Variants in NUDCD3 observed in about 807,000 individuals in gnomAD.
NUDCD3 encodes the protein NudC domain containing 3, also known as nudC domain-containing protein 3.
Under a neutral mutation model 39.7 loss-of-function variants are expected in NUDCD3, and 13 were observed. The ratio of observed to expected loss-of-function variants is 0.33; its 90% CI spans 0.21 to 0.52. The LOEUF (loss-of-function observed/expected upper bound fraction) is 0.52, where lower values mean the gene tolerates loss of function less well. NUDCD3 is among the 20% of genes least tolerant of loss of function. The pLI is 0.96. For synonymous variants in NUDCD3, 175 were observed against 172.4 expected (o/e 1.02, Z -0.12); for missense variants, 453 against 458.1 (o/e 0.99, Z 0.10).
chr7:44,444,912 C>CT (rs1799661142), intron 2 of NUDCD3, among the ~76,000 whole-genome samples: 1 of 152,210 alleles, frequency 6.6e-6, no homozygotes, highest in South Asian at 2.1e-4. Context: ...CCCACCTTAC[C>CT]TTCCAATATG....
intron 3 of NUDCD3, among the ~76,000 whole-genome samples, chr7:44,426,719 C>G (rs1178980300): frequency 6.6e-6 from 1 of 151,086 alleles, no homozygotes; most frequent in Non-Finnish European, 1.5e-5. Flanking sequence ...TGGCGTGAAC[C>G]CGGGAGGCGG....
chr7:44,430,554 CCACACA>C, intron 2 of NUDCD3, among the ~76,000 whole-genome samples: 1 of 140,772 alleles, frequency 7.1e-6, no homozygotes, highest in African/African-American at 2.8e-5. Flanking sequence ...AATAAAATAC[CCACACA>C]CACACACACT....
At chr7:44,465,782 T>C (rs1800106384) in intron 2 of NUDCD3, among the ~76,000 whole-genome samples, 1 of 152,116 alleles carries the variant, frequency 6.6e-6, no homozygotes, top group Non-Finnish European at 1.5e-5. Flanking sequence ...AGTTCTACTA[T>C]ACACCCCACC....
intron 1 of NUDCD3, chr7:44,485,633 T>C (rs1257631841): frequency 5.5e-6 from 1 of 182,084 alleles, no homozygotes; most frequent in Non-Finnish European, 1.1e-5. Context: ...CTGTGGGTTA[T>C]AAAGGCACCA....
intron 2 of NUDCD3, among the ~76,000 whole-genome samples, chr7:44,440,845 T>G (rs1449074009): frequency 2.0e-5 from 3 of 152,206 alleles, no homozygotes; most frequent in African/African-American, 7.2e-5. Context: ...CTAGTCTTCT[T>G]GCATGTGAGC....
chr7:44,485,974 G>A (rs1051857615), intron 1 of NUDCD3, among the ~76,000 whole-genome samples: 3 of 152,204 alleles, frequency 2.0e-5, no homozygotes, highest in Non-Finnish European at 4.4e-5. Context: ...TGATACAAGA[G>A]GGGGCATGAC....
chr7:44,404,752 A>G (rs1275868970), intron 3 of NUDCD3, among the ~76,000 whole-genome samples, 169 bp from the exon 4 acceptor site: 1 of 140,564 alleles, frequency 7.1e-6, no homozygotes, highest in Non-Finnish European at 1.5e-5. Context: ...ATTTATACCT[A>G]GAGCAACCTG....
Position 44,385,791 on chromosome 7 carries a change from T to C in NUDCD3, c.*220A>G. 1.8e-6 allele frequency: 1 copy of C among 556,534 alleles called. No individual in the cohort carries two copies. Among genetic ancestry groups the C allele is most frequent in the South Asian group, 2.4e-5 (1 of 42,110 alleles). 34.5% of individuals were successfully genotyped at this position (556,534 alleles called of 1,614,324 possible). ...CTGCATTTCAAACACCTTCACTCAG[T>C]GTCAGCCACAGCGGCCACCACATAG... On this transcript the variant is annotated 3_prime_UTR_variant, in exon 6 of 6. Coordinates refer to ENST00000355451, the MANE Select transcript of NUDCD3 (RefSeq NM_015332.4).
At chr7:44,388,369 CTCTG>C (rs1399858911) in intron 5 of NUDCD3, among the ~76,000 whole-genome samples, 1 of 152,252 alleles carries the variant, frequency 6.6e-6, no homozygotes, top group Non-Finnish European at 1.5e-5. Flanking sequence ...ACGATAGTCT[CTCTG>C]CCTGTGAGGT....
chr7:44,488,228 G>C (rs1247869178), intron 1 of NUDCD3, among the ~76,000 whole-genome samples: 4 of 150,968 alleles, frequency 2.6e-5, no homozygotes, highest in Admixed American at 1.3e-4. Flanking sequence ...CCAGCTACTC[G>C]AGAGGCTGAG....
intron 5 of NUDCD3, among the ~76,000 whole-genome samples, chr7:44,389,327 A>G (rs901630839): frequency 2.0e-5 from 3 of 152,220 alleles, no homozygotes; most frequent in Admixed American, 6.5e-5. Flanking sequence ...GCTTACCTGG[A>G]ATGAACAGAC....
intron 2 of NUDCD3, among the ~76,000 whole-genome samples, chr7:44,456,025 C>CAAAAAAAAAAAAA (rs1233592095): frequency 5.6e-4 from 16 of 28,496 alleles, no homozygotes; most frequent in Non-Finnish European, 6.9e-4. Flanking sequence ...GACTCCGTCT[C>CAAAAAAAAAAAAA]AAAAAAAAAA....
intron 2 of NUDCD3, among the ~76,000 whole-genome samples, chr7:44,427,965 G>A (rs1799270686): frequency 6.6e-6 from 1 of 151,994 alleles, no homozygotes; most frequent in South Asian, 2.1e-4. Context: ...TACAGTTTAG[G>A]AAAAGTGTCT....
chr7:44,484,924 A>C (rs764347547), intron 2 of NUDCD3, 44 bp downstream of exon 2: 33 of 1,406,030 alleles, frequency 2.3e-5, no homozygotes, highest in Non-Finnish European at 3.1e-5. Context: ...CAAACACCAG[A>C]TGTTACGCAA....
At chr7:44,450,954 C>G (rs1296539043) in intron 2 of NUDCD3, among the ~76,000 whole-genome samples, 1 of 152,150 alleles carries the variant, frequency 6.6e-6, no homozygotes, top group African/African-American at 2.4e-5. Context: ...TATTCATATA[C>G]ATAACACGGT....
At chr7:44,430,540 T>C (rs940549548) in intron 2 of NUDCD3, among the ~76,000 whole-genome samples, 1 of 150,090 alleles carries the variant, frequency 6.7e-6, no homozygotes, top group African/African-American at 2.5e-5. Flanking sequence ...TGTGAAAATA[T>C]ATAAATAAAA....
chr7:44,449,848 T>C (rs1056025308), intron 2 of NUDCD3, among the ~76,000 whole-genome samples: 5 of 125,986 alleles, frequency 4.0e-5, no homozygotes, highest in African/African-American at 1.5e-4. Context: ...AAAAACATGA[T>C]CCATAAAAAA....
At chr7:44,392,164 G>A in intron 5 of NUDCD3, 133 bp downstream of exon 5, 1 of 797,372 alleles carries the variant, frequency 1.3e-6, no homozygotes, top group East Asian at 2.6e-5. Context: ...TCCTTGCTAG[G>A]CTAGGACATG....
intron 3 of NUDCD3, among the ~76,000 whole-genome samples, chr7:44,414,941 T>TGAGGACAAA (rs1232644330): frequency 9.2e-5 from 14 of 152,104 alleles, no homozygotes; most frequent in Admixed American, 8.5e-4. Context: ...GTACCCAAGG[T>TGAGGACAAA]GAGGACAAAG....
Sources: allele counts gnomAD v4.1 joint callset (sites outside exome capture counted in the v4.1 genomes callset), GRCh38; gene constraint gnomAD v4.1.1; transcripts MANE v1.5; gene names NCBI Gene and HGNC (gene_info 2026-07-23, HGNC 2026-07-21).